Variants in PXDNL observed in about 807,000 individuals in gnomAD.
PXDNL encodes peroxidasin like.
A neutral mutation model predicts 150.8 loss-of-function variants in PXDNL; 145 were observed. The ratio of observed to expected loss-of-function variants is 0.96; its 90% CI spans 0.84 to 1.10. The LOEUF is 1.10. Ranked by LOEUF, PXDNL falls within the 50% of genes least tolerant of loss-of-function variation. PXDNL has a pLI of 0.00. For synonymous variants in PXDNL, 757 were observed against 725.7 expected (o/e 1.04, Z -0.69); for missense variants, 2,087 against 1,873.9 (o/e 1.11, Z -2.10).
Position 51,637,733 on chromosome 8 carries a change from C to T in PXDNL, c.236+16956G>A, listed in dbSNP as rs542390939. 1.6e-3 allele frequency among the ~76,000 whole-genome samples: 247 copies of T among 152,282 alleles called. 3 individuals carry two copies. The highest frequency in any genetic ancestry group is 5.7e-3 in the African/African-American group (236 of 41,556). On this transcript the variant is annotated intron_variant, in intron 2 of 22. Coordinates refer to ENST00000356297, the MANE Select transcript of PXDNL (RefSeq NM_144651.5). ...ACCAAATCTACATCTGATTGGTCTACCTGAAAGTGACAGGGAGAATGGAAC... is the reference window on the plus strand; with the variant it reads ...ACCAAATCTACATCTGATTGGTCTATCTGAAAGTGACAGGGAGAATGGAAC...
chr8:51,359,110 C>T (rs909171743), intron 19 of PXDNL, among the ~76,000 whole-genome samples: 3 of 151,724 alleles, frequency 2.0e-5, no homozygotes, highest in Non-Finnish European at 4.4e-5. Flanking sequence ...TCTCCTTCTG[C>T]TAGGTTTCTG....
intron 4 of PXDNL, among the ~76,000 whole-genome samples, chr8:51,543,232 A>G (rs114723420): frequency 0.019 from 2,829 of 152,258 alleles, 37 homozygotes; most frequent in African/African-American, 0.034. Context: ...TTGATTTCCA[A>G]GACTTTATGC....
rs117500985 is a variant in PXDNL at position 51,751,637 on chromosome 8, C to T, written c.164+57544G>A. On this transcript the variant is annotated intron_variant, in intron 1 of 22. Coordinates refer to ENST00000356297, the MANE Select transcript of PXDNL (RefSeq NM_144651.5). Reference sequence around the variant, plus strand: ...TTGGTCTCATTAAAAACTAAGTCCTCCAAGCATGCCATCTGATCATGCCCA... The same window carrying T: ...TTGGTCTCATTAAAAACTAAGTCCTTCAAGCATGCCATCTGATCATGCCCA... Among the ~76,000 whole-genome samples, 1,492 of 152,306 alleles carry T rather than the reference C, an allele frequency of 9.8e-3. 12 individuals carry two copies. Among genetic ancestry groups the T allele is most frequent in the Non-Finnish European group, 0.014 (986 of 68,020 alleles).
chr8:51,772,184 GTC>G (rs139453513), intron 1 of PXDNL, among the ~76,000 whole-genome samples: 111 of 147,026 alleles, frequency 7.5e-4, no homozygotes, highest in Non-Finnish European at 7.2e-4. Flanking sequence ...CTGGCTCTGG[GTC>G]TCTCTCTCTC....
Position 51,531,475 on chromosome 8 carries a change from T to C in PXDNL, c.380+25365A>G, listed in dbSNP as rs371155914. Among the ~76,000 whole-genome samples, 57 of 152,294 alleles carry C rather than the reference T, an allele frequency of 3.7e-4. No individual in the cohort carries two copies. The East Asian group carries it at 0.01, about 27-fold the overall frequency. On this transcript the variant is annotated intron_variant, in intron 4 of 22. Transcript: ENST00000356297. ...CCACATCTGGAGCAGCTGTGGAGAA[T>C]GGCATGGTGCAGAGATCTCAGGCCC... is the stretch of plus-strand genomic sequence containing the variant.
At chr8:51,511,630 G>T (rs1033254939) in intron 4 of PXDNL, among the ~76,000 whole-genome samples, 1 of 152,148 alleles carries the variant, frequency 6.6e-6, no homozygotes, top group Non-Finnish European at 1.5e-5. Context: ...GCAAGGAGGG[G>T]GCTGCAGGCC....
Position 51,408,018 on chromosome 8 carries a change from T to TCCCG in PXDNL, c.3557+48_3557+49insCGGG. 7 of 1,498,424 alleles carry TCCCG rather than the reference T, an allele frequency of 4.7e-6. No homozygotes were observed. The South Asian group carries it at 9.5e-5, about 20-fold the overall frequency. 92.8% of individuals were successfully genotyped at this position (1,498,424 alleles called of 1,614,324 possible). A position where few individuals can be genotyped will look rare whatever the true frequency, so the allele number is the denominator to read the frequency against. On this transcript the variant is annotated intron_variant, in intron 17 of 22. Coordinates refer to ENST00000356297, the MANE Select transcript of PXDNL (RefSeq NM_144651.5). The stretch of plus-strand genomic sequence containing the variant: ...CCACACAAAATGACCTTTAACACTT[T>TCCCG]TACCTCTCCTAAGAAATGTTTAAAT...
chr8:51,494,312 C>G (rs112455734), intron 5 of PXDNL, among the ~76,000 whole-genome samples: 48,669 of 151,852 alleles, frequency 0.32, 8,682 homozygotes, highest in African/African-American at 0.47. Context: ...ACCGGCACCA[C>G]CCACTGCAAA....
chr8:51,793,389 A>G (rs2037531390), intron 1 of PXDNL, among the ~76,000 whole-genome samples: 2 of 152,258 alleles, frequency 1.3e-5, no homozygotes, highest in Admixed American at 6.5e-5. Flanking sequence ...GAAAGAATCA[A>G]CAAAAAAATG....
intron 1 of PXDNL, among the ~76,000 whole-genome samples, chr8:51,774,715 G>A (rs1255207443): frequency 6.6e-6 from 1 of 152,148 alleles, no homozygotes; most frequent in East Asian, 1.9e-4. Context: ...CAACTTGGGA[G>A]GCTGAGGCAG....
chr8:51,478,070 C>A (rs1810521931), intron 6 of PXDNL, among the ~76,000 whole-genome samples: 1 of 151,940 alleles, frequency 6.6e-6, no homozygotes, highest in Non-Finnish European at 1.5e-5. Flanking sequence ...TCTGAGTAAT[C>A]TTTATAAATA....
chr8:51,608,321 G>A (rs1295344457), intron 2 of PXDNL, among the ~76,000 whole-genome samples: 2 of 143,598 alleles, frequency 1.4e-5, no homozygotes, highest in Admixed American at 6.8e-5. Context: ...CCCGGGAGGC[G>A]GAGTTTGCAG....
At chr8:51,639,844 C>T (rs183759745) in intron 2 of PXDNL, among the ~76,000 whole-genome samples, 222 of 152,288 alleles carry the variant, frequency 1.5e-3, no homozygotes, top group Non-Finnish European at 2.4e-3. Context: ...TCCTCCCTAA[C>T]TCATTTTATG....
chr8:51,346,787 C>T (rs1806175144), intron 19 of PXDNL, among the ~76,000 whole-genome samples: 1 of 152,148 alleles, frequency 6.6e-6, no homozygotes, highest in Non-Finnish European at 1.5e-5. Flanking sequence ...TGAAAGCTCC[C>T]CGAGGCCTCC....
At chr8:51,538,393 CT>C (rs950894488) in intron 4 of PXDNL, among the ~76,000 whole-genome samples, 12 of 147,648 alleles carry the variant, frequency 8.1e-5, no homozygotes, top group Admixed American at 2.0e-4. Flanking sequence ...ATTCAGAGGG[CT>C]TTTTTTTTTC....
intron 5 of PXDNL, among the ~76,000 whole-genome samples, chr8:51,486,649 AAC>A (rs1386648603): frequency 2.7e-5 from 4 of 149,434 alleles, no homozygotes; most frequent in African/African-American, 4.9e-5. Flanking sequence ...TAATTTTCAA[AAC>A]AGTTATGCAA....
chr8:51,695,822 C>T (rs767655529), intron 1 of PXDNL, among the ~76,000 whole-genome samples: 8 of 152,212 alleles, frequency 5.3e-5, no homozygotes, highest in Non-Finnish European at 1.0e-4. Context: ...TGCCTGGGGA[C>T]TCTGATAATT....
intron 5 of PXDNL, among the ~76,000 whole-genome samples, chr8:51,489,834 C>G (rs1364111127): frequency 1.3e-5 from 2 of 152,108 alleles, no homozygotes; most frequent in Non-Finnish European, 2.9e-5. Flanking sequence ...AAACTATCTC[C>G]CTTAAGCCTT....
chr8:51,543,628 C>T (rs1812273577), intron 4 of PXDNL, among the ~76,000 whole-genome samples: 1 of 146,844 alleles, frequency 6.8e-6, no homozygotes, highest in African/African-American at 2.5e-5. Flanking sequence ...AGAAGAATCA[C>T]TTGAATCTGG....
Sources: gnomAD v4.1 joint callset for allele counts (sites outside exome capture counted in the v4.1 genomes callset) on GRCh38, gnomAD v4.1.1 for gene constraint, MANE v1.5 for transcripts, NCBI Gene and HGNC (gene_info 2026-07-23, HGNC 2026-07-21) for gene names.